Variants in MED28 observed in about 807,000 individuals in gnomAD.
MED28 encodes the protein mediator of RNA polymerase II transcription subunit 28.
MED28 carries 26 observed loss-of-function variants against 21.3 expected under a neutral mutation model. The observed-to-expected ratio is 1.22, with a 90% CI of 0.89 to 1.69. The LOEUF (loss-of-function observed/expected upper bound fraction) is 1.69, where lower values mean the gene tolerates loss of function less well. Among genes scored for constraint, MED28 ranks in the 40% most tolerant of loss-of-function variants. The pLI, the probability that MED28 is intolerant of heterozygous loss-of-function variation, is 0.00. For synonymous variants in MED28, 110 were observed against 87.6 expected (o/e 1.26, Z -1.43); for missense variants, 257 against 215.4 (o/e 1.19, Z -1.21).
rs1247344906 is a variant in MED28 at position 17,631,647 on chromosome 4, C to G, written c.*7849C>G. 2 of 152,120 alleles carry G rather than the reference C, an allele frequency of 1.3e-5. No individual in the cohort carries two copies. 9.4% of individuals were successfully genotyped at this position (152,120 alleles called of 1,614,324 possible). On this transcript the variant is annotated 3_prime_UTR_variant, in exon 4 of 4. Coordinates refer to ENST00000237380, the MANE Select transcript of MED28 (RefSeq NM_025205.5). ...TATCTTGCTTAATCCTTGCAAAGCC[C>G]TTTTAGAGGTGGGTGTTATCCCATC...
chr4:17,616,142 A>G (rs1003841843), intron 1 of MED28, among the ~76,000 whole-genome samples: 1 of 152,108 alleles, frequency 6.6e-6, no homozygotes, highest in African/African-American at 2.4e-5. Flanking sequence ...TTTTTAGTAG[A>G]GACAGGGCTT....
chr4:17,632,355 G>A lies in MED28; in HGVS notation c.*8557G>A, dbSNP rs957513494. The A allele has an allele frequency of 1.5e-5, 7 of 470,704 alleles. No homozygotes were observed. The East Asian group carries it at 2.2e-4, about 15-fold the overall frequency. 29.2% of individuals were successfully genotyped at this position (470,704 alleles called of 1,614,324 possible). A position where few individuals can be genotyped will look rare whatever the true frequency, so the allele number is the denominator to read the frequency against. ...CTCCCAAAGTGATGGGATTACAGGC[G>A]TGAGCTGCTGTGCCTGGCAGAACAG... On this transcript the variant is annotated 3_prime_UTR_variant, in exon 4 of 4. Transcript: ENST00000237380.
intron 2 of MED28, among the ~76,000 whole-genome samples, chr4:17,620,692 C>CT (rs146604205): frequency 0.022 from 2,357 of 108,812 alleles, 51 homozygotes; most frequent in African/African-American, 0.025. Context: ...TGCATTGTCT[C>CT]TTTTTTTTTT....
rs915877353 is a variant in MED28 at position 17,630,031 on chromosome 4, T to A, written c.*6233T>A. On this transcript the variant is annotated 3_prime_UTR_variant, in exon 4 of 4. Transcript: ENST00000237380. ...TCATTGCAGGGTAGAATTTAGAAAT[T>A]TAAGACTGAAAGATCTTTTCAGTCA... 4 of 152,136 alleles carry A rather than the reference T, an allele frequency of 2.6e-5. No homozygotes were observed. The highest frequency in any genetic ancestry group is 9.7e-5 in the African/African-American group (4 of 41,438). The allele number at this position is 152,136 out of a possible 1,614,324, so 9.4% of individuals were successfully genotyped here.
Position 17,630,718 on chromosome 4 carries a change from C to T in MED28, c.*6920C>T, listed in dbSNP as rs925830637. On this transcript the variant is annotated 3_prime_UTR_variant, in exon 4 of 4. Coordinates refer to ENST00000237380, the MANE Select transcript of MED28 (RefSeq NM_025205.5). ...TGCATTTAAAAATGCATTGGAGCCTCGTTTTGATTAGGCAGTAAATTTACC... is the reference window on the plus strand; with the variant it reads ...TGCATTTAAAAATGCATTGGAGCCTTGTTTTGATTAGGCAGTAAATTTACC... 2.6e-5 allele frequency: 4 copies of T among 151,082 alleles called. No homozygotes were observed. The highest frequency in any genetic ancestry group is 7.3e-5 in the African/African-American group (3 of 41,050). 9.4% of individuals were successfully genotyped at this position (151,082 alleles called of 1,614,324 possible).
At chr4:17,620,065 A>C in intron 2 of MED28, 98 bp downstream of exon 2, 1 of 1,121,800 alleles carries the variant, frequency 8.9e-7, no homozygotes, top group Non-Finnish European at 1.3e-6. Flanking sequence ...CTTTTATCCT[A>C]AGACAACATT....
chr4:17,624,015 A>T lies in MED28; in HGVS notation c.*217A>T. ...TGTAGCTTGGATAAACCAAGTAAGT[A>T]TTTTTTTTTTGTCTTTAGCAAAGTT... On this transcript the variant is annotated 3_prime_UTR_variant, in exon 4 of 4. Transcript: ENST00000237380. 2.2e-6 allele frequency: 1 copy of T among 461,892 alleles called. No homozygotes were observed. The highest frequency in any genetic ancestry group is 3.9e-6 in the Non-Finnish European group (1 of 256,620). 28.6% of individuals were successfully genotyped at this position (461,892 alleles called of 1,614,324 possible). A position where few individuals can be genotyped will look rare whatever the true frequency, so the allele number is the denominator to read the frequency against.
In MED28 at chr4:17,632,729, C is replaced by T; in HGVS notation, c.*8931C>T. The T allele has an allele frequency of 1.4e-6, 1 of 738,858 alleles. No homozygotes were observed. Among genetic ancestry groups the T allele is most frequent in the Non-Finnish European group, 2.2e-6 (1 of 447,194 alleles). The allele number at this position is 738,858 out of a possible 1,614,324, so 45.8% of individuals were successfully genotyped here. A position where few individuals can be genotyped will look rare whatever the true frequency, so the allele number is the denominator to read the frequency against. ...GAAAGATAACTGCTTGTTTACTCTT[C>T]AAAAACACCCAAATGGGACTGGCCA... On this transcript the variant is annotated 3_prime_UTR_variant, in exon 4 of 4. Coordinates refer to ENST00000237380, the MANE Select transcript of MED28 (RefSeq NM_025205.5).
At position 17,633,871 on chromosome 4, in the gene MED28, G is replaced by GTCC. The variant is rs1560162299; in HGVS notation, c.*10077_*10079dup. The stretch of plus-strand genomic sequence containing the variant: ...GCACGCTGACCACGCGGCTGGGCAC[G>GTCC]TCCTCCACCTTCTTTTTCTGTTTGT... On this transcript the variant is annotated 3_prime_UTR_variant, in exon 4 of 4. Transcript: ENST00000237380. The GTCC allele has an allele frequency of 1.3e-6, 2 of 1,549,234 alleles. No homozygotes were observed. The highest frequency in any genetic ancestry group is 1.7e-6 in the Non-Finnish European group (2 of 1,145,908).
At chr4:17,621,948 G>T (rs1047987561) in intron 3 of MED28, among the ~76,000 whole-genome samples, 6 of 152,132 alleles carry the variant, frequency 3.9e-5, no homozygotes, top group Non-Finnish European at 7.3e-5. Context: ...TTGGCCTTCA[G>T]GAAAGATTTT....
intron 2 of MED28, among the ~76,000 whole-genome samples, chr4:17,621,065 AGT>A (rs1682044652): frequency 7.5e-6 from 1 of 132,764 alleles, no homozygotes; most frequent in African/African-American, 2.8e-5. Flanking sequence ...ACCAGTCTGG[AGT>A]GCAGTGGCGC....
intron 3 of MED28, among the ~76,000 whole-genome samples, chr4:17,622,322 T>A (rs1391434518): frequency 1.3e-5 from 2 of 152,108 alleles, no homozygotes; most frequent in Non-Finnish European, 2.9e-5. Context: ...AGATTATTGG[T>A]TGGGGGCAAT....
chr4:17,628,903 AAG>A lies in MED28; in HGVS notation c.*5108_*5109del, dbSNP rs779071215. 2.0e-5 allele frequency: 3 copies of A among 152,262 alleles called. No individual in the cohort carries two copies. The highest frequency in any genetic ancestry group is 6.5e-5 in the Admixed American group (1 of 15,278). The allele number at this position is 152,262 out of a possible 1,614,324, so 9.4% of individuals were successfully genotyped here. On this transcript the variant is annotated 3_prime_UTR_variant, in exon 4 of 4. Transcript: ENST00000237380. ...TGGGAGGAGTCAAACTGTGGAAGAT[AAG>A]AGGAGTACTGCACACAAGGACAGTA...
At chr4:17,619,674 C>G (rs973206057) in intron 1 of MED28, among the ~76,000 whole-genome samples, 2 of 152,068 alleles carry the variant, frequency 1.3e-5, no homozygotes, top group African/African-American at 4.8e-5. Context: ...GGACAGAGAC[C>G]AGATGTGGTG....
Position 17,629,100 on chromosome 4 carries a change from G to GC in MED28, c.*5303dup, listed in dbSNP as rs2066196229. ...TAAAAATACATTAATTAGCATGGTG[G>GC]CGGGTGCCTGTAGTCCCAGCTACTC... is the stretch of plus-strand genomic sequence containing the variant. On this transcript the variant is annotated 3_prime_UTR_variant, in exon 4 of 4. Coordinates refer to ENST00000237380, the MANE Select transcript of MED28 (RefSeq NM_025205.5). 1 of 152,270 alleles carries GC rather than the reference G, an allele frequency of 6.6e-6. No homozygotes were observed. The highest frequency in any genetic ancestry group is 2.4e-5 in the African/African-American group (1 of 41,414). The allele number at this position is 152,270 out of a possible 1,614,324, so 9.4% of individuals were successfully genotyped here.
Position 17,623,603 on chromosome 4 carries a change from T to C in MED28, c.342T>C (p.Asp114=). Residue 114 remains aspartate, a splice_region_variant and synonymous_variant, in exon 4 of 4, where the codon GAT becomes GAC. Coordinates refer to ENST00000237380, the MANE Select transcript of MED28 (RefSeq NM_025205.5). ...TAGTCCATGACTTTCATCTGCAGGA[T>C]GTGTCAGAACTAAGGAATGAATTAC... The part of the protein sequence containing the change: ...VQKPEQVIKE[D]VSELRNELQR... 1 of 1,613,848 alleles carries C rather than the reference T, an allele frequency of 6.2e-7. No individual in the cohort carries two copies. The highest frequency in any genetic ancestry group is 8.5e-7 in the Non-Finnish European group (1 of 1,179,928).
At position 17,633,858 on chromosome 4, in the gene MED28, C is replaced by T. The variant is rs183471400; in HGVS notation, c.*10060C>T. ...GAGGCGAGGTTCGGCACGCTGACCA[C>T]GCGGCTGGGCACGTCCTCCACCTTC... On this transcript the variant is annotated 3_prime_UTR_variant, in exon 4 of 4. Coordinates refer to ENST00000237380, the MANE Select transcript of MED28 (RefSeq NM_025205.5). 26 of 1,550,716 alleles carry T rather than the reference C, an allele frequency of 1.7e-5. No individual in the cohort carries two copies. In the Admixed American group the frequency reaches 2.0e-4, roughly 12 times the overall value.
At position 17,629,942 on chromosome 4, in the gene MED28, C is replaced by T. The variant is rs1296303569; in HGVS notation, c.*6144C>T. 1.3e-5 allele frequency: 2 copies of T among 152,148 alleles called. No individual in the cohort carries two copies. The highest frequency in any genetic ancestry group is 2.9e-5 in the Non-Finnish European group (2 of 68,030). The allele number at this position is 152,148 out of a possible 1,614,324, so 9.4% of individuals were successfully genotyped here. ...TCCTTAAATGCCTTACTTCAATACC[C>T]AAGGCATATGGCCTCAATAAAAAAT... is the stretch of plus-strand genomic sequence containing the variant. On this transcript the variant is annotated 3_prime_UTR_variant, in exon 4 of 4. Coordinates refer to ENST00000237380, the MANE Select transcript of MED28 (RefSeq NM_025205.5).
rs750638854 is a variant in MED28 at position 17,624,118 on chromosome 4, T to C, written c.*320T>C. 3.0e-6 allele frequency: 1 copy of C among 330,246 alleles called. No individual in the cohort carries two copies. The highest frequency in any genetic ancestry group is 5.7e-6 in the Non-Finnish European group (1 of 175,138). 20.5% of individuals were successfully genotyped at this position (330,246 alleles called of 1,614,324 possible). A position where few individuals can be genotyped will look rare whatever the true frequency, so the allele number is the denominator to read the frequency against. ...TTAAATTTTTGCATGACTTTTCATC[T>C]TTTTATGTGTGTTTCCTGTAGTTTG... On this transcript the variant is annotated 3_prime_UTR_variant, in exon 4 of 4. Coordinates refer to ENST00000237380, the MANE Select transcript of MED28 (RefSeq NM_025205.5).
Sources: allele counts gnomAD v4.1 joint callset (sites outside exome capture counted in the v4.1 genomes callset), GRCh38; gene constraint gnomAD v4.1.1; transcripts MANE v1.5; gene names NCBI Gene and HGNC (gene_info 2026-07-23, HGNC 2026-07-21).